AKAP7: variants seen among roughly 807,000 people sequenced by gnomAD.
AKAP7 encodes the protein A kinase (PRKA) anchor protein 7.
Under a neutral mutation model 39.5 loss-of-function variants are expected in AKAP7, and 39 were observed. That is an observed-to-expected ratio of 0.99 (90% confidence interval 0.76 to 1.29). The LOEUF (loss-of-function observed/expected upper bound fraction) is 1.29, where lower values mean the gene tolerates loss of function less well. Among genes scored for constraint, AKAP7 ranks in the 50% most tolerant of loss-of-function variants. The pLI is 0.00. For synonymous variants in AKAP7, 140 were observed against 139.1 expected (o/e 1.01, Z -0.05); for missense variants, 414 against 407.7 (o/e 1.02, Z -0.13).
intron 7 of AKAP7, among the ~76,000 whole-genome samples, chr6:131,249,618 C>A (rs1812286086): frequency 6.6e-6 from 1 of 152,034 alleles, no homozygotes; most frequent in African/African-American, 2.4e-5. Flanking sequence ...AAGGCTATTC[C>A]CTCTATAAGA....
At position 131,219,643 on chromosome 6, in the gene AKAP7, T is replaced by C. The variant is rs776649944; in HGVS notation, c.703-18T>C. 6.3e-7 allele frequency: 1 copy of C among 1,582,602 alleles called. No individual in the cohort carries two copies. The highest frequency in any genetic ancestry group is 8.6e-7 in the Non-Finnish European group (1 of 1,165,120). On this transcript the variant is annotated intron_variant, in intron 6 of 7. Transcript: ENST00000431975. ...TGGGTGAAATGATTGATTGATTGAT[T>C]TGTTTTTTCATTTCAAGGGAGTGAA...
At chr6:131,229,668 T>A (rs1810478226) in intron 7 of AKAP7, among the ~76,000 whole-genome samples, 1 of 152,172 alleles carries the variant, frequency 6.6e-6, no homozygotes, top group Admixed American at 6.5e-5. Context: ...TCCCAGTTTG[T>A]TTTTATCTAT....
intron 5 of AKAP7, among the ~76,000 whole-genome samples, chr6:131,170,202 A>G (rs1803905566): frequency 6.6e-6 from 1 of 150,454 alleles, no homozygotes. Flanking sequence ...ATGCTAGATG[A>G]CGAGTTAGTG....
intron 7 of AKAP7, among the ~76,000 whole-genome samples, 180 bp downstream of exon 7, chr6:131,219,988 G>C (rs551934342): frequency 3.9e-5 from 6 of 151,972 alleles, no homozygotes; most frequent in Non-Finnish European, 5.9e-5. Context: ...TATTTATATT[G>C]ATCAGTTAAG....
Position 131,239,297 on chromosome 6 carries a change from C to A in AKAP7, c.850+19489C>A, listed in dbSNP as rs952773297. Among the ~76,000 whole-genome samples, 211 of 152,194 alleles carry A rather than the reference C, an allele frequency of 1.4e-3. 2 individuals are homozygous for A. Among genetic ancestry groups the A allele is most frequent in the African/African-American group, 4.9e-3 (204 of 41,448 alleles). On this transcript the variant is annotated intron_variant, in intron 7 of 7. Transcript: ENST00000431975. Reference sequence around the variant, plus strand: ...CGTCAGCTGTTAGTCTGATGGGCTTCCCTTTGTGGGTAACCCAACCTTTCT... The same window carrying A: ...CGTCAGCTGTTAGTCTGATGGGCTTACCTTTGTGGGTAACCCAACCTTTCT...
intron 1 of AKAP7, among the ~76,000 whole-genome samples, chr6:131,136,588 CTTGT>C (rs1400212179): frequency 6.6e-6 from 1 of 152,194 alleles, no homozygotes; most frequent in Non-Finnish European, 1.5e-5. Context: ...ACTCCAGTTC[CTTGT>C]TTAAGTGCCG....
chr6:131,190,871 T>C (rs780864456), intron 5 of AKAP7, among the ~76,000 whole-genome samples: 21 of 152,060 alleles, frequency 1.4e-4, no homozygotes, highest in Non-Finnish European at 2.1e-4. Context: ...GGGAAGTCCT[T>C]CTTCTTCTTG....
chr6:131,225,364 G>A (rs1051822451), intron 7 of AKAP7, among the ~76,000 whole-genome samples: 2 of 152,094 alleles, frequency 1.3e-5, no homozygotes, highest in Admixed American at 1.3e-4. Flanking sequence ...AACTGAGTTA[G>A]GAACTGGCAA....
At chr6:131,157,881 A>G (rs953331101) in intron 2 of AKAP7, among the ~76,000 whole-genome samples, 4 of 152,234 alleles carry the variant, frequency 2.6e-5, no homozygotes, top group South Asian at 2.1e-4. Flanking sequence ...AACACACCAG[A>G]TAAGTTTGCC....
At chr6:131,275,054 T>C (rs1309115967) in intron 7 of AKAP7, among the ~76,000 whole-genome samples, 1 of 152,220 alleles carries the variant, frequency 6.6e-6, no homozygotes, top group African/African-American at 2.4e-5. Flanking sequence ...GACTGACTTG[T>C]GTGTGGTCAG....
At position 131,281,714 on chromosome 6, in the gene AKAP7, C is replaced by T. The variant is rs373031332; in HGVS notation, c.1035C>T (p.Asn345=). 565 of 1,604,604 alleles carry T rather than the reference C, an allele frequency of 3.5e-4. 8 individuals carry two copies. The South Asian group carries it at 5.2e-3, about 15-fold the overall frequency. ...AADQNGNDNE[N]NRK Reference sequence around the variant, plus strand: ...ATCAGAATGGCAATGACAATGAGAACAACAGGAAATGAGCCCGGAACGCAG... The same window carrying T: ...ATCAGAATGGCAATGACAATGAGAATAACAGGAAATGAGCCCGGAACGCAG... Residue 345 remains asparagine (N), a synonymous_variant, in exon 8 of 8, where the codon AAC becomes AAT. Coordinates refer to ENST00000431975, the MANE Select transcript of AKAP7 (RefSeq NM_016377.4). The surrounding 1 kb of genome is among the most constrained non-coding windows in gnomAD (Gnocchi z 4.0).
chr6:131,169,258 C>G lies in AKAP7; in HGVS notation c.574C>G (p.Leu192Val), dbSNP rs1328808554. ...KLAEGDHVNS[L>V]LEIAETANRT... is the part of the protein sequence containing the mutation. ...GGCAGAAGGAGATCATGTAAACTCA[C>G]TTTTGGAGATAGCAGGTAAAACAGC... Residue 192 changes from leucine to valine, a missense_variant, in exon 5 of 8, where the codon CTT becomes GTT. Physicochemically the swap from Leu to Val is conservative, Grantham distance 32. Transcript: ENST00000431975. The G allele has an allele frequency of 6.2e-7, 1 of 1,613,864 alleles. No individual in the cohort carries two copies. The highest frequency in any genetic ancestry group is 2.2e-5 in the East Asian group (1 of 44,848).
intron 7 of AKAP7, among the ~76,000 whole-genome samples, chr6:131,265,679 A>G (rs141843527): frequency 6.6e-6 from 1 of 152,276 alleles, no homozygotes; most frequent in East Asian, 1.9e-4. Context: ...ATACAGTTCC[A>G]TTTGTCAGAT....
intron 5 of AKAP7, among the ~76,000 whole-genome samples, chr6:131,186,132 T>C (rs1182796696): frequency 1.3e-5 from 2 of 152,156 alleles, no homozygotes; most frequent in Non-Finnish European, 2.9e-5. Context: ...TAATCCCCAG[T>C]GTTGGAGGTG....
At chr6:131,235,903 C>G (rs903630727) in intron 7 of AKAP7, among the ~76,000 whole-genome samples, 26 of 151,580 alleles carry the variant, frequency 1.7e-4, no homozygotes, top group African/African-American at 6.0e-4. Context: ...TGCAGAAGCT[C>G]TTTAATTAGA....
At chr6:131,269,648 G>A (rs1814108180) in intron 7 of AKAP7, among the ~76,000 whole-genome samples, 1 of 152,162 alleles carries the variant, frequency 6.6e-6, no homozygotes, top group African/African-American at 2.4e-5. Context: ...AACAGAGTGA[G>A]GGTGATCACA....
intron 5 of AKAP7, among the ~76,000 whole-genome samples, chr6:131,188,240 A>ATG (rs2128267716): frequency 6.6e-6 from 1 of 151,890 alleles, no homozygotes; most frequent in South Asian, 2.1e-4. Flanking sequence ...ATTGAAACAT[A>ATG]GTTCAAGTGA....
At chr6:131,169,781 T>C (rs1437511187) in intron 5 of AKAP7, among the ~76,000 whole-genome samples, 1 of 152,170 alleles carries the variant, frequency 6.6e-6, no homozygotes, top group Admixed American at 6.5e-5. Flanking sequence ...GGTTGGGTAT[T>C]AGCCTACATG....
intron 7 of AKAP7, among the ~76,000 whole-genome samples, chr6:131,253,692 T>TTATTTATG (rs982901046): frequency 3.3e-5 from 5 of 150,808 alleles, no homozygotes; most frequent in Admixed American, 3.3e-4. Context: ...ATTTATTTAT[T>TTATTTATG]TATAAGCTCC....
Sources: gnomAD v4.1 joint callset for allele counts (sites outside exome capture counted in the v4.1 genomes callset) on GRCh38, gnomAD v4.1.1 for gene constraint, Gnocchi (gnomAD v3.1) non-coding constraint, MANE v1.5 for transcripts, NCBI Gene and HGNC (gene_info 2026-07-23, HGNC 2026-07-21) for gene names.